TTC28: variants seen among roughly 807,000 people sequenced by gnomAD.
TTC28 encodes the protein tetratricopeptide repeat protein 28.
In TTC28, 61 loss-of-function variants were observed where a neutral mutation model predicts 198.0. That is an observed-to-expected ratio of 0.31 (90% confidence interval 0.25 to 0.38). The LOEUF (loss-of-function observed/expected upper bound fraction) is 0.38. TTC28 is among the 10% of genes least tolerant of loss of function. The pLI is 1.00. For synonymous variants in TTC28, 1,171 were observed against 1,297.8 expected (o/e 0.90, Z 2.10); for missense variants, 2,678 against 3,164.0 (o/e 0.85, Z 3.69).
chr22:28,007,168 A>T (rs1006215125), intron 14 of TTC28: 1 of 152,190 alleles, frequency 6.6e-6, no homozygotes, highest in African/African-American at 2.4e-5. Flanking sequence ...AGAACTGTGT[A>T]TAGGGCTTCA....
At chr22:28,609,107 C>T (rs1030130729) in intron 2 of TTC28, among the ~76,000 whole-genome samples, 3 of 151,872 alleles carry the variant, frequency 2.0e-5, no homozygotes, top group East Asian at 1.9e-4. Context: ...ACTTACTAGA[C>T]GAAGATACTA....
intron 12 of TTC28, among the ~76,000 whole-genome samples, chr22:28,076,291 T>C (rs1941163965): frequency 6.6e-6 from 1 of 152,212 alleles, no homozygotes; most frequent in African/African-American, 2.4e-5. Context: ...AGGCTAATGA[T>C]GCAGCAATGG....
intron 2 of TTC28, among the ~76,000 whole-genome samples, chr22:28,625,568 ACAC>A (rs2051065754): frequency 6.6e-6 from 1 of 152,220 alleles, no homozygotes; most frequent in African/African-American, 2.4e-5. Flanking sequence ...ATGGAGGAAT[ACAC>A]CATGTTCATG....
Position 28,107,892 on chromosome 22 carries a change from C to G in TTC28, c.1953G>C (p.Gln651His). The stretch of plus-strand genomic sequence containing the variant: ...CCTGTTCGTAGTACTTCACTGCCTC[C>G]TGATAGTTTCCAAGGCAGTAATGGG... ...GYAHYCLGNY[Q>H]EAVKYYEQDL... The change falls in exon 7 of 23, where the codon CAG (glutamine) becomes CAC (histidine). Residue 651 changes from glutamine (Q) to histidine (H), a missense_variant. This residue lies in a region of TTC28 where 775 missense variants were observed against 845.9 expected (regional missense o/e 0.92). Transcript: ENST00000397906. The G allele has an allele frequency of 6.4e-7, 1 of 1,551,750 alleles. No individual in the cohort carries two copies.
chr22:28,679,045 C>A (rs1185356762), intron 1 of TTC28, among the ~76,000 whole-genome samples: 3 of 152,254 alleles, frequency 2.0e-5, no homozygotes, highest in Non-Finnish European at 4.4e-5. Context: ...CCTCTAAAGT[C>A]CATGTCGCTC....
intron 2 of TTC28, among the ~76,000 whole-genome samples, chr22:28,353,098 G>C (rs932218007): frequency 6.6e-6 from 1 of 152,076 alleles, no homozygotes. Context: ...CAAAACACAG[G>C]ACAGACAAAG....
At chr22:28,640,719 A>G (rs1050530323) in intron 1 of TTC28, among the ~76,000 whole-genome samples, 37 of 152,158 alleles carry the variant, frequency 2.4e-4, no homozygotes, top group African/African-American at 8.9e-4. Flanking sequence ...CTCAGAGAAA[A>G]TACTCTTCAA....
In TTC28 at chr22:27,993,497, T is replaced by C; in HGVS notation, c.5266A>G (p.Ile1756Val). ...ATGGCATTGCGCTGCCCATTCTGGA[T>C]GCGCTGCAGGGATTTCTCCACCTGA... The part of the protein sequence containing the change: ...LHLVEKSLQR[I>V]QNGQRNAMYT... Residue 1756 changes from isoleucine (I) to valine (V), a missense_variant, in exon 18 of 23, where the codon ATC (isoleucine) becomes GTC (valine). Ile to Val is a conservative substitution (Grantham distance 29). Around this residue, in one of 8 missense-constraint regions of TTC28, gnomAD observed 314 missense variants for 442.7 expected, o/e 0.71. Transcript: ENST00000397906. 3 of 1,547,128 alleles carry C rather than the reference T, an allele frequency of 1.9e-6. No homozygotes were observed. The highest frequency in any genetic ancestry group is 2.5e-5 in the East Asian group (1 of 40,794).
chr22:28,633,287 A>AAAAAAGAAAAAG (rs532563718), intron 1 of TTC28, among the ~76,000 whole-genome samples: 6 of 151,642 alleles, frequency 4.0e-5, no homozygotes, highest in Non-Finnish European at 5.9e-5. Flanking sequence ...TCTCAAAAAA[A>AAAAAAGAAAAAG]AAAAAGAAAA....
intron 6 of TTC28, among the ~76,000 whole-genome samples, chr22:28,137,846 C>T (rs1048714148): frequency 2.0e-5 from 3 of 152,076 alleles, no homozygotes; most frequent in Non-Finnish European, 2.9e-5. Flanking sequence ...GAAACCCTGT[C>T]TCTACTAAAA....
intron 5 of TTC28, among the ~76,000 whole-genome samples, chr22:28,191,376 G>A (rs961380424): frequency 5.9e-5 from 9 of 152,238 alleles, no homozygotes; most frequent in African/African-American, 2.2e-4. Context: ...CACAGAAGAC[G>A]GGTGATTTCT....
chr22:28,483,544 T>C (rs564648449), intron 2 of TTC28, among the ~76,000 whole-genome samples: 4 of 152,318 alleles, frequency 2.6e-5, no homozygotes, highest in Non-Finnish European at 5.9e-5. Context: ...TTTCTGAATG[T>C]TAATTCAGAC....
chr22:28,084,672 A>G (rs921297559), intron 12 of TTC28, among the ~76,000 whole-genome samples: 1 of 151,382 alleles, frequency 6.6e-6, no homozygotes, highest in African/African-American at 2.4e-5. Flanking sequence ...AATGACTTTG[A>G]CGAGTTGAGA....
intron 6 of TTC28, among the ~76,000 whole-genome samples, chr22:28,151,335 C>T (rs1943603998): frequency 6.6e-6 from 1 of 152,218 alleles, no homozygotes; most frequent in African/African-American, 2.4e-5. Context: ...TACTGCCAGA[C>T]TCTGCCTGCT....
At chr22:28,193,799 G>T (rs993117876) in intron 5 of TTC28, among the ~76,000 whole-genome samples, 1 of 152,102 alleles carries the variant, frequency 6.6e-6, no homozygotes, top group African/African-American at 2.4e-5. Context: ...AGTCCTTAGA[G>T]ACCTACCAAG....
chr22:28,123,119 G>A (rs933172353), intron 6 of TTC28, among the ~76,000 whole-genome samples: 1 of 152,194 alleles, frequency 6.6e-6, no homozygotes, highest in African/African-American at 2.4e-5. Flanking sequence ...TCAGCTCACT[G>A]AAATATGGGA....
At chr22:28,495,817 G>T (rs566899871) in intron 2 of TTC28, among the ~76,000 whole-genome samples, 1 of 152,130 alleles carries the variant, frequency 6.6e-6, no homozygotes, top group African/African-American at 2.4e-5. Context: ...ACACAACTGG[G>T]TAGATTTGGA....
At chr22:28,512,823 T>C (rs1419787138) in intron 2 of TTC28, among the ~76,000 whole-genome samples, 1 of 152,078 alleles carries the variant, frequency 6.6e-6, no homozygotes, top group African/African-American at 2.4e-5. Flanking sequence ...CTGGGCTTAA[T>C]ACCTAGGTGA....
chr22:28,160,327 A>T (rs963065798), intron 6 of TTC28, among the ~76,000 whole-genome samples: 3 of 152,254 alleles, frequency 2.0e-5, no homozygotes, highest in Admixed American at 6.5e-5. Flanking sequence ...TACCCCACAA[A>T]TATATGTACC....
Sources: allele counts gnomAD v4.1 joint callset (sites outside exome capture counted in the v4.1 genomes callset), GRCh38; gene constraint gnomAD v4.1.1; regional missense constraint gnomAD v4.1.1; transcripts MANE v1.5; gene names NCBI Gene and HGNC (gene_info 2026-07-23, HGNC 2026-07-21).